Variants in KCTD8 observed in about 807,000 individuals in gnomAD.
The protein encoded by KCTD8 is BTB/POZ domain-containing protein KCTD8.
KCTD8 carries 27 observed loss-of-function variants against 31.5 expected under a neutral mutation model. That is an observed-to-expected ratio of 0.86 (90% CI 0.63 to 1.18). The LOEUF (loss-of-function observed/expected upper bound fraction) is 1.18. Ranked by LOEUF, KCTD8 falls within the 50% of genes most tolerant of loss-of-function variation. The pLI is 0.00. For missense variants in KCTD8, 658 were observed against 647.7 expected (o/e 1.02, Z -0.17); for synonymous variants, 290 against 280.0 (o/e 1.04, Z -0.36).
At chr4:44,314,557 T>G (rs1718053026) in intron 1 of KCTD8, among the ~76,000 whole-genome samples, 1 of 152,138 alleles carries the variant, frequency 6.6e-6, no homozygotes, top group Non-Finnish European at 1.5e-5. Context: ...GAATAATGTT[T>G]CCTCTGCCTG....
intron 1 of KCTD8, among the ~76,000 whole-genome samples, chr4:44,234,152 C>T (rs1353303207): frequency 1.3e-5 from 2 of 152,156 alleles, no homozygotes; most frequent in African/African-American, 4.8e-5. Flanking sequence ...CCAACGTCTA[C>T]ATTTTACAAG....
At chr4:44,307,122 T>C (rs1262935377) in intron 1 of KCTD8, among the ~76,000 whole-genome samples, 1 of 151,962 alleles carries the variant, frequency 6.6e-6, no homozygotes, top group Non-Finnish European at 1.5e-5. Flanking sequence ...GATATTTTAT[T>C]AGGAGGTATC....
At chr4:44,262,180 T>C (rs189363863) in intron 1 of KCTD8, among the ~76,000 whole-genome samples, 122 of 152,126 alleles carry the variant, frequency 8.0e-4, no homozygotes, top group African/African-American at 2.7e-3. Flanking sequence ...AATAAGAAAG[T>C]CACAGGTCAC....
At chr4:44,270,651 G>T (rs1716566378) in intron 1 of KCTD8, among the ~76,000 whole-genome samples, 1 of 152,044 alleles carries the variant, frequency 6.6e-6, no homozygotes. Context: ...TAATTCTGTT[G>T]CAAAAAATAT....
chr4:44,306,132 C>A (rs1717796039), intron 1 of KCTD8, among the ~76,000 whole-genome samples: 1 of 151,304 alleles, frequency 6.6e-6, no homozygotes, highest in African/African-American at 2.4e-5. Context: ...GACACAAGAA[C>A]AAAATCAAAG....
At chr4:44,325,758 T>C (rs1167401748) in intron 1 of KCTD8, among the ~76,000 whole-genome samples, 2 of 151,942 alleles carry the variant, frequency 1.3e-5, no homozygotes, top group Non-Finnish European at 2.9e-5. Flanking sequence ...TTTCTATACT[T>C]AGAAAATATC....
At chr4:44,314,693 TATC>T (rs781690939) in intron 1 of KCTD8, among the ~76,000 whole-genome samples, 1 of 152,070 alleles carries the variant, frequency 6.6e-6, no homozygotes, top group East Asian at 1.9e-4. Context: ...GCAGGGATCA[TATC>T]ATATATTCTG....
chr4:44,310,714 T>G (rs1336707015), intron 1 of KCTD8, among the ~76,000 whole-genome samples: 1 of 152,130 alleles, frequency 6.6e-6, no homozygotes, highest in Non-Finnish European at 1.5e-5. Flanking sequence ...GCAGAGAAAT[T>G]GTAAATGTGA....
intron 1 of KCTD8, among the ~76,000 whole-genome samples, chr4:44,420,568 T>C: frequency 6.6e-6 from 1 of 152,140 alleles, no homozygotes; most frequent in East Asian, 1.9e-4. Context: ...GAGTAGGCCA[T>C]AATTTGAACC....
At chr4:44,317,507 G>C (rs1483773433) in intron 1 of KCTD8, among the ~76,000 whole-genome samples, 1 of 140,776 alleles carries the variant, frequency 7.1e-6, no homozygotes, top group Non-Finnish European at 1.5e-5. Flanking sequence ...CCAAAGTGCT[G>C]GGATTACAGG....
chr4:44,211,546 A>G (rs978150856), intron 1 of KCTD8, among the ~76,000 whole-genome samples: 20 of 152,148 alleles, frequency 1.3e-4, no homozygotes, highest in African/African-American at 4.1e-4. Context: ...TCACTGTGTG[A>G]AAATACCTTA....
chr4:44,247,765 AG>A (rs1398113834), intron 1 of KCTD8, among the ~76,000 whole-genome samples: 1 of 151,728 alleles, frequency 6.6e-6, no homozygotes, highest in Non-Finnish European at 1.5e-5. Context: ...TTGTCCTCCA[AG>A]TTCATTCATG....
chr4:44,245,205 G>C (rs1356003315), intron 1 of KCTD8, among the ~76,000 whole-genome samples: 2 of 152,036 alleles, frequency 1.3e-5, no homozygotes, highest in Non-Finnish European at 2.9e-5. Flanking sequence ...AAATAGTAAA[G>C]ACAGCTTTCT....
At chr4:44,337,695 A>T (rs1176238025) in intron 1 of KCTD8, among the ~76,000 whole-genome samples, 27 of 127,352 alleles carry the variant, frequency 2.1e-4, no homozygotes, top group South Asian at 2.5e-4. Context: ...ATATATATAT[A>T]TATGTGTATA....
At chr4:44,399,948 T>C (rs1231581454) in intron 1 of KCTD8, among the ~76,000 whole-genome samples, 2 of 152,192 alleles carry the variant, frequency 1.3e-5, no homozygotes, top group African/African-American at 4.8e-5. Context: ...GAAACAACTT[T>C]GGATTTCCCT....
intron 1 of KCTD8, among the ~76,000 whole-genome samples, chr4:44,228,456 T>C (rs1441047136): frequency 6.6e-6 from 1 of 152,206 alleles, no homozygotes; most frequent in East Asian, 1.9e-4. Context: ...CTTTAACATA[T>C]GAATTTGGGA....
intron 1 of KCTD8, among the ~76,000 whole-genome samples, chr4:44,443,622 A>T (rs766804831): frequency 2.6e-5 from 4 of 152,200 alleles, no homozygotes; most frequent in Non-Finnish European, 4.4e-5. Flanking sequence ...GATATACCAA[A>T]TTTAAAGAAT....
At chr4:44,427,562 A>G (rs17539340) in intron 1 of KCTD8, among the ~76,000 whole-genome samples, 10,347 of 151,758 alleles carry the variant, frequency 0.068, 442 homozygotes, top group Admixed American at 0.11. Context: ...TCTCTGCACC[A>G]GAAATAACCA....
chr4:44,389,749 A>T (rs1720318989), intron 1 of KCTD8, among the ~76,000 whole-genome samples: 1 of 151,918 alleles, frequency 6.6e-6, no homozygotes, highest in Admixed American at 6.6e-5. Flanking sequence ...TGTGTATTTT[A>T]CCACAATTAA....
Sources: allele counts gnomAD v4.1 joint callset (sites outside exome capture counted in the v4.1 genomes callset), GRCh38; gene constraint gnomAD v4.1.1; transcripts MANE v1.5; gene names NCBI Gene and HGNC (gene_info 2026-07-23, HGNC 2026-07-21).